AGBL4: variants seen among roughly 807,000 people sequenced by gnomAD.
AGBL4 encodes the protein cytosolic carboxypeptidase 6.
AGBL4 carries 58 observed loss-of-function variants against 66.4 expected under a neutral mutation model. The observed-to-expected ratio is 0.87, with a 90% CI of 0.71 to 1.09. The LOEUF (loss-of-function observed/expected upper bound fraction) is 1.09. AGBL4 is among the 50% of genes least tolerant of loss of function. The pLI is 0.00. For synonymous variants in AGBL4, 234 were observed against 222.9 expected, an observed-to-expected ratio of 1.05 and a Z score of -0.44; for missense variants, 579 against 631.0, an observed-to-expected ratio of 0.92 and a Z score of 0.88.
intron 1 of AGBL4, among the ~76,000 whole-genome samples, chr1:50,018,403 C>A (rs1662154377): frequency 6.6e-6 from 1 of 152,080 alleles, no homozygotes; most frequent in Non-Finnish European, 1.5e-5. Flanking sequence ...TGAAGTACTG[C>A]AAGCTTTTAA....
At chr1:48,601,023 G>A (rs2148363580) in intron 9 of AGBL4, among the ~76,000 whole-genome samples, 1 of 152,206 alleles carries the variant, frequency 6.6e-6, no homozygotes, top group Middle Eastern at 3.4e-3. Flanking sequence ...GGAGGTTTGG[G>A]TTTATAATAG....
chr1:49,376,196 T>A (rs2148563348), intron 3 of AGBL4, among the ~76,000 whole-genome samples: 1 of 152,220 alleles, frequency 6.6e-6, no homozygotes, highest in East Asian at 1.9e-4. Flanking sequence ...GCCTTGGTGC[T>A]ATTGCCTCAG....
At chr1:49,874,050 CAG>C (rs1321028418) in intron 1 of AGBL4, among the ~76,000 whole-genome samples, 2 of 152,014 alleles carry the variant, frequency 1.3e-5, no homozygotes, top group African/African-American at 4.8e-5. Context: ...TGGATCAGAA[CAG>C]AGAGTCCAGA....
intron 4 of AGBL4, among the ~76,000 whole-genome samples, chr1:49,244,946 G>T (rs929789761): frequency 6.6e-6 from 1 of 151,686 alleles, no homozygotes; most frequent in Admixed American, 6.6e-5. Context: ...TGGCTGAAAA[G>T]GTATTACAGG....
At chr1:48,547,207 C>T (rs947814244) in intron 11 of AGBL4, among the ~76,000 whole-genome samples, 2 of 152,058 alleles carry the variant, frequency 1.3e-5, no homozygotes, top group African/African-American at 2.4e-5. Flanking sequence ...GAAAATGACA[C>T]GGTCTCATTT....
chr1:48,594,814 T>C (rs1644970933), intron 9 of AGBL4, among the ~76,000 whole-genome samples: 1 of 152,082 alleles, frequency 6.6e-6, no homozygotes, highest in African/African-American at 2.4e-5. Flanking sequence ...TCAAATGGAA[T>C]GTGGGCAATG....
intron 9 of AGBL4, among the ~76,000 whole-genome samples, chr1:48,599,848 G>C (rs1437764202): frequency 6.6e-6 from 1 of 152,140 alleles, no homozygotes; most frequent in Non-Finnish European, 1.5e-5. Flanking sequence ...AGAACCCTGG[G>C]GGAGAGGACT....
intron 3 of AGBL4, among the ~76,000 whole-genome samples, chr1:49,644,570 A>G (rs1381316334): frequency 6.6e-6 from 1 of 151,648 alleles, no homozygotes; most frequent in African/African-American, 2.4e-5. Context: ...TCATTTCATA[A>G]TGATTAAGAA....
chr1:49,200,498 A>G (rs567702997), intron 4 of AGBL4, among the ~76,000 whole-genome samples: 8 of 152,294 alleles, frequency 5.3e-5, no homozygotes, highest in African/African-American at 1.9e-4. Flanking sequence ...TCAGTACTAC[A>G]AGACTGCCCC....
At chr1:49,553,533 G>C (rs1401286484) in intron 3 of AGBL4, among the ~76,000 whole-genome samples, 2 of 152,048 alleles carry the variant, frequency 1.3e-5, no homozygotes, top group African/African-American at 4.8e-5. Flanking sequence ...CGTTTCCCTA[G>C]ATATCTAATG....
intron 6 of AGBL4, among the ~76,000 whole-genome samples, chr1:48,685,082 G>A (rs899422447): frequency 1.3e-5 from 2 of 151,730 alleles, no homozygotes; most frequent in African/African-American, 2.4e-5. Flanking sequence ...TGGTGCACAC[G>A]GCCTGTCTGG....
chr1:49,983,704 A>T (rs553300278), intron 1 of AGBL4, among the ~76,000 whole-genome samples: 39 of 152,382 alleles, frequency 2.6e-4, no homozygotes, highest in African/African-American at 9.4e-4. Flanking sequence ...ATCTACTTTG[A>T]TCATGAACAT....
At chr1:48,551,968 T>G (rs915109666) in intron 11 of AGBL4, among the ~76,000 whole-genome samples, 1 of 152,172 alleles carries the variant, frequency 6.6e-6, no homozygotes, top group African/African-American at 2.4e-5. Context: ...ATGTGCCTGA[T>G]TCTGGATGAG....
At chr1:49,881,826 A>G (rs919293655) in intron 1 of AGBL4, among the ~76,000 whole-genome samples, 2 of 151,408 alleles carry the variant, frequency 1.3e-5, no homozygotes, top group East Asian at 1.9e-4. Context: ...ATTTTCTCCC[A>G]TTTTGTGGGT....
chr1:49,240,758 A>G (rs1459502247), intron 4 of AGBL4, among the ~76,000 whole-genome samples: 1 of 151,814 alleles, frequency 6.6e-6, no homozygotes, highest in African/African-American at 2.4e-5. Flanking sequence ...CCGTACTTCC[A>G]TATTCCTCTC....
At chr1:48,874,674 T>G (rs371932067) in intron 5 of AGBL4, among the ~76,000 whole-genome samples, 1 of 152,000 alleles carries the variant, frequency 6.6e-6, no homozygotes, top group African/African-American at 2.4e-5. Context: ...TTTCAGACAA[T>G]AAAGTGGGGC....
intron 3 of AGBL4, among the ~76,000 whole-genome samples, chr1:49,612,768 A>G (rs752173940): frequency 3.9e-5 from 6 of 152,176 alleles, no homozygotes; most frequent in Non-Finnish European, 7.3e-5. Flanking sequence ...GAAAACATAC[A>G]CTGCTGGTGG....
chr1:48,986,094 A>G (rs1356734886), intron 5 of AGBL4, among the ~76,000 whole-genome samples: 3 of 152,194 alleles, frequency 2.0e-5, no homozygotes, highest in Middle Eastern at 3.4e-3. Flanking sequence ...CATTGTATCA[A>G]TAGAAACTAA....
rs141071665 is a variant in AGBL4, at chr1:50,020,606, T to C, written c.34+3157A>G. Among the ~76,000 whole-genome samples, 13 of 152,338 alleles carry C rather than the reference T, an allele frequency of 8.5e-5. No homozygotes were observed. The East Asian group carries it at 2.5e-3, about 29-fold the overall frequency. On this transcript the variant is annotated intron_variant, in intron 1 of 13. Coordinates refer to ENST00000371839, the MANE Select transcript of AGBL4 (RefSeq NM_032785.4). ...TGGCTATGATTTCTTCAGAACGTAG[T>C]ATGTTGTAATACAAACACAAAGCCA...
Sources: allele counts gnomAD v4.1 joint callset (sites outside exome capture counted in the v4.1 genomes callset), GRCh38; gene constraint gnomAD v4.1.1; transcripts MANE v1.5; gene names NCBI Gene and HGNC (gene_info 2026-07-23, HGNC 2026-07-21).